The following CRISP1 variants were observed in gnomAD, a reference collection of about 807,000 sequenced individuals.
CRISP1 encodes cysteine-rich secretory protein 1.
A neutral mutation model predicts 33.1 loss-of-function variants in CRISP1; 44 were observed. The ratio of observed to expected loss-of-function variants is 1.33; its 90% CI spans 1.05 to 1.71. CRISP1 has a LOEUF of 1.71. Among genes scored for constraint, CRISP1 ranks in the 40% most tolerant of loss-of-function variants. The pLI, the probability that CRISP1 is intolerant of heterozygous loss-of-function variation, is 0.00. For missense variants in CRISP1, 390 were observed against 301.2 expected, an observed-to-expected ratio of 1.29 and a Z score of -2.18; for synonymous variants, 103 against 98.7, an observed-to-expected ratio of 1.04 and a Z score of -0.26.
Position 49,834,987 on chromosome 6 carries a change from G to C in CRISP1, c.*329C>G, listed in dbSNP as rs1444557900. On this transcript the variant is annotated 3_prime_UTR_variant, in exon 8 of 8. Coordinates refer to ENST00000335847, the MANE Select transcript of CRISP1 (RefSeq NM_001131.3). The stretch of plus-strand genomic sequence containing the variant: ...GTGGTTGAAAATATGGGGAAGGCGG[G>C]GGTGGGAGTTGAACCACATAAGACC... 1 of 181,110 alleles carries C rather than the reference G, an allele frequency of 5.5e-6. No individual in the cohort carries two copies. Among genetic ancestry groups the C allele is most frequent in the Admixed American group, 6.2e-5 (1 of 16,176 alleles). 11.2% of individuals were successfully genotyped at this position (181,110 alleles called of 1,614,324 possible). A position where few individuals can be genotyped will look rare whatever the true frequency, so the allele number is the denominator to read the frequency against.
chr6:49,874,265 T>A (rs1355286953), intron 1 of CRISP1, among the ~76,000 whole-genome samples: 1 of 152,046 alleles, frequency 6.6e-6, no homozygotes, highest in Non-Finnish European at 1.5e-5. Context: ...ACTAAAACAG[T>A]TATATAGTTT....
Position 49,835,425 on chromosome 6 carries a change from T to C in CRISP1, c.641A>G (p.Tyr214Cys), listed in dbSNP as rs546643695. The C allele has an allele frequency of 5.0e-6, 8 of 1,613,774 alleles. No homozygotes were observed. Among genetic ancestry groups the C allele is most frequent in the African/African-American group, 2.7e-5 (2 of 75,044 alleles). ...TATGTCACAGTCGAAGTATTCATCA[T>C]AGTAGATGCAGGGGTTAGCTGAAAG... ...DKLCTNPCIY[Y>C]DEYFDCDIQV... is the part of the protein sequence containing the mutation. Residue 214 changes from tyrosine to cysteine, a missense_variant, in exon 8 of 8, where the codon TAT becomes TGT. Tyr to Cys is a radical substitution (Grantham distance 194). Transcript: ENST00000335847.
In CRISP1 at chr6:49,864,624, A is replaced by T. The variant is rs541344449; in HGVS notation, c.-3+1805T>A. Among the ~76,000 whole-genome samples the T allele has an allele frequency of 5.9e-5, 9 of 152,014 alleles. No individual in the cohort carries two copies. The South Asian group carries it at 1.9e-3, about 31-fold the overall frequency. On this transcript the variant is annotated intron_variant, in intron 1 of 7. Coordinates refer to ENST00000335847, the MANE Select transcript of CRISP1 (RefSeq NM_001131.3). ...TATTATGTTTGTGTAATACTATTTC[A>T]TTGCAGTTTTTAATTTATATTTGTT... is the stretch of plus-strand genomic sequence containing the variant.
chr6:49,851,491 C>T (rs187872188), intron 3 of CRISP1, among the ~76,000 whole-genome samples: 151 of 152,224 alleles, frequency 9.9e-4, no homozygotes, highest in Non-Finnish European at 1.9e-3. Flanking sequence ...TATTTATTTA[C>T]CTGGCCACAT....
chr6:49,855,338 C>T (rs1771465651), intron 2 of CRISP1, among the ~76,000 whole-genome samples: 1 of 152,086 alleles, frequency 6.6e-6, no homozygotes, highest in Non-Finnish European at 1.5e-5. Context: ...TAGAAGTCTT[C>T]AACAGTTTAC....
At position 49,852,047 on chromosome 6, in the gene CRISP1, G is replaced by C. The variant is rs1771362136; in HGVS notation, c.149C>G (p.Ala50Gly). Residue 50 changes from alanine to glycine, a missense_variant, in exon 3 of 8, where the codon GCC becomes GGC. By Grantham distance (60) the Ala-to-Gly change is moderately conservative. Transcript: ENST00000335847. ...VQEEIVNIHN[A>G]LRRRVVPPAS... ...TGGTGGAACTACTCTTCTCCTGAGGGCGTTGTGTATATTAACGATCTCTTC... is the reference window on the plus strand; with the variant it reads ...TGGTGGAACTACTCTTCTCCTGAGGCCGTTGTGTATATTAACGATCTCTTC... The C allele has an allele frequency of 6.2e-7, 1 of 1,612,842 alleles. No homozygotes were observed.
chr6:49,856,039 A>G (rs963157473), intron 2 of CRISP1, among the ~76,000 whole-genome samples: 3 of 152,318 alleles, frequency 2.0e-5, no homozygotes, highest in Middle Eastern at 3.4e-3. Context: ...TCTGTTATAG[A>G]GCATCAACCT....
chr6:49,848,159 T>TG (rs755416299), intron 4 of CRISP1, 50 bp downstream of exon 4: 14,270 of 958,584 alleles, frequency 0.015, 67 homozygotes, highest in Non-Finnish European at 0.019. Flanking sequence ...CCTGTTTTAC[T>TG]ATTTTTTTTT....
At chr6:49,848,027 A>G (rs1483142962) in intron 4 of CRISP1, among the ~76,000 whole-genome samples, 182 bp downstream of exon 4, 4 of 152,170 alleles carry the variant, frequency 2.6e-5, no homozygotes, top group African/African-American at 7.2e-5. Context: ...TTAAAGATAT[A>G]AACCTTAAAA....
At chr6:49,874,344 A>G (rs1771987580) in intron 1 of CRISP1, among the ~76,000 whole-genome samples, 1 of 152,086 alleles carries the variant, frequency 6.6e-6, no homozygotes. Flanking sequence ...ATTTCAGATA[A>G]CTAAAAACAC....
intron 2 of CRISP1, among the ~76,000 whole-genome samples, chr6:49,852,464 GTTAC>G (rs1169782244): frequency 6.6e-6 from 1 of 152,096 alleles, no homozygotes; most frequent in Non-Finnish European, 1.5e-5. Context: ...AATCACACCT[GTTAC>G]TTACTTCTCT....
chr6:49,850,700 T>C (rs543057679), intron 3 of CRISP1, among the ~76,000 whole-genome samples: 39 of 152,206 alleles, frequency 2.6e-4, no homozygotes, highest in Non-Finnish European at 5.4e-4. Flanking sequence ...TTCATATCTT[T>C]TTGTGTTAGT....
chr6:49,840,527 T>C (rs1770950122), intron 6 of CRISP1, among the ~76,000 whole-genome samples: 1 of 152,230 alleles, frequency 6.6e-6, no homozygotes, highest in East Asian at 1.9e-4. Context: ...GTAAATGTCC[T>C]TGTTTCTTTG....
intron 3 of CRISP1, among the ~76,000 whole-genome samples, chr6:49,851,615 T>C (rs2127473984): frequency 6.6e-6 from 1 of 152,320 alleles, no homozygotes; most frequent in Admixed American, 6.5e-5. Context: ...TCAATATTTG[T>C]CGTGTGTACT....
In CRISP1 at chr6:49,852,063, C is replaced by G; in HGVS notation, c.133G>C (p.Val45Leu). The change falls in exon 3 of 8, where the codon GTT becomes CTT. Residue 45 changes from valine to leucine, a missense_variant. Transcript: ENST00000335847. Reference protein sequence around the residue: ...TDLPNVQEEIVNIHNALRRRV... With the variant: ...TDLPNVQEEILNIHNALRRRV... The stretch of plus-strand genomic sequence containing the variant: ...CTCCTGAGGGCGTTGTGTATATTAA[C>G]GATCTCTTCTTGTACATTTGGCAAG... 1.2e-6 allele frequency: 2 copies of G among 1,613,298 alleles called. No individual in the cohort carries two copies. The highest frequency in any genetic ancestry group is 2.2e-5 in the South Asian group (2 of 91,020).
chr6:49,844,467 C>A (rs974361964), intron 5 of CRISP1, among the ~76,000 whole-genome samples: 5 of 152,160 alleles, frequency 3.3e-5, no homozygotes, highest in African/African-American at 1.2e-4. Context: ...GTCCAGGGAG[C>A]AAGGCTGCTT....
At chr6:49,852,151 T>A in intron 2 of CRISP1, 22 bp from the exon 3 acceptor site, 1 of 1,605,022 alleles carries the variant, frequency 6.2e-7, no homozygotes, top group Non-Finnish European at 8.5e-7. Context: ...AAAATATTAA[T>A]TAGTGTTACT....
rs1770730053 is a variant in CRISP1 at position 49,834,831 on chromosome 6, T to C, written c.*485A>G. The C allele has an allele frequency of 6.6e-6, 1 of 152,444 alleles. No individual in the cohort carries two copies. The highest frequency in any genetic ancestry group is 2.4e-5 in the African/African-American group (1 of 41,460). The allele number at this position is 152,444 out of a possible 1,614,324, so 9.4% of individuals were successfully genotyped here. On this transcript the variant is annotated 3_prime_UTR_variant, in exon 8 of 8. Transcript: ENST00000335847. The stretch of plus-strand genomic sequence containing the variant: ...TTAAACTACTTCCAATTAAATGATA[T>C]TTACCTTGCAAGATGAGACTGAACT...
At chr6:49,845,271 T>A (rs1771124379) in intron 5 of CRISP1, among the ~76,000 whole-genome samples, 3 of 152,154 alleles carry the variant, frequency 2.0e-5, no homozygotes, top group Admixed American at 2.0e-4. Flanking sequence ...TCTCTGTCTC[T>A]ATCCTTGACT....
Sources: allele counts gnomAD v4.1 joint callset (sites outside exome capture counted in the v4.1 genomes callset), GRCh38; gene constraint gnomAD v4.1.1; transcripts MANE v1.5; gene names NCBI Gene and HGNC (gene_info 2026-07-23, HGNC 2026-07-21).